The following LRRC4C variants were observed in gnomAD, a reference collection of about 807,000 sequenced individuals.
LRRC4C encodes leucine rich repeat containing 4C.
LRRC4C carries 5 observed loss-of-function variants against 33.6 expected under a neutral mutation model. The observed-to-expected ratio is 0.15, with a 90% CI of 0.08 to 0.31. The LOEUF (loss-of-function observed/expected upper bound fraction) is 0.31. Ranked by LOEUF, LRRC4C falls within the 10% of genes least tolerant of loss-of-function variation. The probability of loss-of-function intolerance (pLI) is 1.00; values close to 1 mark genes in which losing one functional copy is unlikely to be tolerated. For missense variants in LRRC4C, 560 were observed against 796.7 expected (o/e 0.70, Z 3.58); for synonymous variants, 329 against 302.0 (o/e 1.09, Z -0.93).
At chr11:41,355,386 A>T (rs1437979588) in intron 1 of LRRC4C, among the ~76,000 whole-genome samples, 3 of 152,254 alleles carry the variant, frequency 2.0e-5, no homozygotes, top group African/African-American at 7.2e-5. Context: ...AAAAAATGTG[A>T]GGACATGGAT....
At chr11:40,160,040 T>C (rs1859024821) in intron 5 of LRRC4C, among the ~76,000 whole-genome samples, 2 of 152,288 alleles carry the variant, frequency 1.3e-5, no homozygotes, top group Admixed American at 1.3e-4. Context: ...GAAATGAAAG[T>C]TTTGGCCAGG....
At chr11:40,422,356 G>C (rs964514221) in intron 3 of LRRC4C, among the ~76,000 whole-genome samples, 3 of 151,912 alleles carry the variant, frequency 2.0e-5, no homozygotes, top group African/African-American at 7.3e-5. Flanking sequence ...TACCACAGCT[G>C]CATTATTTGA....
chr11:40,524,346 T>C (rs1027278100), intron 3 of LRRC4C, among the ~76,000 whole-genome samples: 1 of 152,160 alleles, frequency 6.6e-6, no homozygotes, highest in African/African-American at 2.4e-5. Context: ...CTAGAAAAGA[T>C]GGTGATGAAG....
At chr11:40,965,491 T>G (rs895498072) in intron 1 of LRRC4C, among the ~76,000 whole-genome samples, 4 of 152,184 alleles carry the variant, frequency 2.6e-5, no homozygotes, top group Non-Finnish European at 5.9e-5. Flanking sequence ...CTAGGGTTTT[T>G]ATGGTTTGAG....
chr11:41,103,876 A>C (rs559053236), intron 1 of LRRC4C, among the ~76,000 whole-genome samples: 2 of 152,110 alleles, frequency 1.3e-5, no homozygotes, highest in African/African-American at 4.8e-5. Context: ...GCAATTTAAT[A>C]GTGAAAGGAT....
intron 5 of LRRC4C, among the ~76,000 whole-genome samples, chr11:40,165,287 T>C (rs1859493736): frequency 6.6e-6 from 1 of 152,212 alleles, no homozygotes; most frequent in Non-Finnish European, 1.5e-5. Context: ...TCTGTGTATC[T>C]GAGAATTTGT....
intron 3 of LRRC4C, among the ~76,000 whole-genome samples, chr11:40,583,209 C>T (rs1184521315): frequency 6.6e-6 from 1 of 152,164 alleles, no homozygotes; most frequent in Admixed American, 6.5e-5. Context: ...TGCTCTATAA[C>T]ATTCTTCTAA....
intron 4 of LRRC4C, among the ~76,000 whole-genome samples, chr11:40,313,479 C>T (rs546568589): frequency 2.8e-4 from 42 of 151,682 alleles, no homozygotes; most frequent in African/African-American, 9.2e-4. Context: ...GATATCCACA[C>T]GCAGAAGCAT....
At chr11:41,350,128 T>C (rs1951928416) in intron 1 of LRRC4C, among the ~76,000 whole-genome samples, 2 of 152,214 alleles carry the variant, frequency 1.3e-5, no homozygotes. Flanking sequence ...GGTATTATTA[T>C]GAAATAGTTT....
At chr11:40,154,349 A>G (rs997587109) in intron 5 of LRRC4C, among the ~76,000 whole-genome samples, 1 of 152,024 alleles carries the variant, frequency 6.6e-6, no homozygotes, top group Non-Finnish European at 1.5e-5. Context: ...TTAATGCAAC[A>G]GTACCTCACA....
chr11:41,270,374 T>C (rs1591116532), intron 1 of LRRC4C, among the ~76,000 whole-genome samples: 3 of 152,268 alleles, frequency 2.0e-5, no homozygotes, highest in African/African-American at 7.2e-5. Context: ...GCTAGTCTTA[T>C]TATAATATAA....
At chr11:40,538,241 C>G (rs1237789262) in intron 3 of LRRC4C, among the ~76,000 whole-genome samples, 1 of 152,018 alleles carries the variant, frequency 6.6e-6, no homozygotes, top group Non-Finnish European at 1.5e-5. Context: ...CTTTAAGCAG[C>G]AGCACTCATT....
chr11:40,621,432 G>T (rs16934991), intron 3 of LRRC4C, among the ~76,000 whole-genome samples: 2,315 of 151,732 alleles, frequency 0.015, 63 homozygotes, highest in African/African-American at 0.053. Context: ...ACTGGCATCT[G>T]CTGTTTATTC....
intron 2 of LRRC4C, among the ~76,000 whole-genome samples, chr11:40,839,095 G>A (rs1952804870): frequency 1.3e-5 from 2 of 151,900 alleles, no homozygotes; most frequent in Admixed American, 1.3e-4. Flanking sequence ...ATATTTTCCT[G>A]TTGTATATAC....
intron 5 of LRRC4C, among the ~76,000 whole-genome samples, chr11:40,177,871 G>A (rs1379623046): frequency 1.3e-5 from 2 of 152,086 alleles, no homozygotes; most frequent in African/African-American, 4.8e-5. Flanking sequence ...AGTGTTTATG[G>A]CTAGAATTGA....
At chr11:40,233,133 A>G (rs1865320247) in intron 5 of LRRC4C, among the ~76,000 whole-genome samples, 1 of 152,162 alleles carries the variant, frequency 6.6e-6, no homozygotes, top group Non-Finnish European at 1.5e-5. Context: ...CTTTAAATAT[A>G]CTGTTGCATC....
At chr11:41,055,365 C>A (rs1369527296) in intron 1 of LRRC4C, among the ~76,000 whole-genome samples, 1 of 152,056 alleles carries the variant, frequency 6.6e-6, no homozygotes, top group East Asian at 1.9e-4. Context: ...ACAAATAAAG[C>A]TATTATAAAC....
intron 1 of LRRC4C, among the ~76,000 whole-genome samples, chr11:41,146,532 G>C (rs1325937889): frequency 6.6e-6 from 1 of 152,186 alleles, no homozygotes; most frequent in East Asian, 1.9e-4. Flanking sequence ...AAAAGCAAAA[G>C]TAGGATGCAG....
chr11:40,581,692 G>A (rs113867039), intron 3 of LRRC4C, among the ~76,000 whole-genome samples: 2 of 151,946 alleles, frequency 1.3e-5, no homozygotes, highest in African/African-American at 4.8e-5. Flanking sequence ...TCACGAGGTC[G>A]GGAGTTCGAG....
Sources: allele counts gnomAD v4.1 joint callset (sites outside exome capture counted in the v4.1 genomes callset), GRCh38; gene constraint gnomAD v4.1.1; transcripts MANE v1.5; gene names NCBI Gene and HGNC (gene_info 2026-07-23, HGNC 2026-07-21).